The following CSMD1 variants were observed in gnomAD, a reference collection of about 807,000 sequenced individuals.
CSMD1 encodes the protein CUB and Sushi multiple domains 1, also known as CUB and sushi domain-containing protein 1.
In CSMD1, 213 loss-of-function variants were observed where a neutral mutation model predicts 417.5. The observed-to-expected ratio is 0.51, with a 90% CI of 0.46 to 0.57. The LOEUF is 0.57. CSMD1 is among the 20% of genes least tolerant of loss of function. The pLI, the probability that CSMD1 is intolerant of heterozygous loss-of-function variation, is 0.00. For missense variants in CSMD1, 6,923 were observed against 4,529.7 expected, an observed-to-expected ratio of 1.53 and a Z score of -15.17; for synonymous variants, 2,862 against 1,736.8, an observed-to-expected ratio of 1.65 and a Z score of -16.11.
At chr8:3,436,742 A>G (rs1414660703) in intron 12 of CSMD1, among the ~76,000 whole-genome samples, 1 of 152,178 alleles carries the variant, frequency 6.6e-6, no homozygotes, top group Non-Finnish European at 1.5e-5. Flanking sequence ...CACATTGGCA[A>G]TGAGCATTTT....
At chr8:3,060,562 C>T (rs1812528474) in intron 49 of CSMD1, among the ~76,000 whole-genome samples, 1 of 152,156 alleles carries the variant, frequency 6.6e-6, no homozygotes, top group Admixed American at 6.5e-5. Context: ...TGCTCACAGG[C>T]ATGATTGTTG....
chr8:4,436,765 T>C (rs1368045089), intron 2 of CSMD1, among the ~76,000 whole-genome samples: 2 of 152,192 alleles, frequency 1.3e-5, no homozygotes, highest in African/African-American at 4.8e-5. Flanking sequence ...TAAGTGATCA[T>C]GTGATATTTC....
At chr8:3,199,085 G>C (rs1796854889) in intron 33 of CSMD1, among the ~76,000 whole-genome samples, 3 of 152,146 alleles carry the variant, frequency 2.0e-5, no homozygotes, top group Admixed American at 6.5e-5. Flanking sequence ...CAAAACAAAA[G>C]TGAAACAAAT....
intron 3 of CSMD1, among the ~76,000 whole-genome samples, chr8:4,079,535 CA>C (rs1658548279): frequency 6.6e-6 from 1 of 152,054 alleles, no homozygotes; most frequent in South Asian, 2.1e-4. Context: ...CATCTGATGC[CA>C]AAACACTGAA....
intron 12 of CSMD1, among the ~76,000 whole-genome samples, chr8:3,458,245 T>G (rs1264457424): frequency 6.6e-6 from 1 of 152,196 alleles, no homozygotes; most frequent in African/African-American, 2.4e-5. Context: ...AAATGTCAAA[T>G]TTCTGCGTTA....
chr8:4,086,579 C>G (rs540033722), intron 3 of CSMD1, among the ~76,000 whole-genome samples: 1 of 152,290 alleles, frequency 6.6e-6, no homozygotes, highest in African/African-American at 2.4e-5. Context: ...CCAATCTCCT[C>G]TACTGATGCA....
intron 3 of CSMD1, among the ~76,000 whole-genome samples, chr8:4,103,623 G>C (rs1053550074): frequency 4.6e-5 from 7 of 152,052 alleles, no homozygotes; most frequent in Admixed American, 4.6e-4. Context: ...CACTTGTGTA[G>C]TCTTAAGGAT....
chr8:3,893,017 A>G (rs1297959116), intron 5 of CSMD1, among the ~76,000 whole-genome samples: 1 of 152,052 alleles, frequency 6.6e-6, no homozygotes, highest in African/African-American at 2.4e-5. Context: ...CACACTGAAA[A>G]TAACTTGTCA....
At chr8:3,180,159 A>G (rs937738490) in intron 37 of CSMD1, among the ~76,000 whole-genome samples, 16 of 152,214 alleles carry the variant, frequency 1.1e-4, no homozygotes, top group African/African-American at 3.9e-4. Context: ...CCTTACTCTC[A>G]TTGGAAATTC....
chr8:4,157,125 GA>G (rs1407062531), intron 3 of CSMD1, among the ~76,000 whole-genome samples: 4 of 152,174 alleles, frequency 2.6e-5, no homozygotes, highest in African/African-American at 9.7e-5. Context: ...GAAACCCTAA[GA>G]GTGTATTTTA....
intron 4 of CSMD1, among the ~76,000 whole-genome samples, chr8:4,012,369 A>T (rs756245609): frequency 2.0e-5 from 3 of 152,082 alleles, no homozygotes; most frequent in Non-Finnish European, 4.4e-5. Flanking sequence ...AAATACATTC[A>T]TTCATTGCCT....
chr8:3,999,706 C>T (rs991970768), intron 4 of CSMD1, among the ~76,000 whole-genome samples: 2 of 152,140 alleles, frequency 1.3e-5, no homozygotes, highest in African/African-American at 4.8e-5. Flanking sequence ...TTTATGTCAA[C>T]TAATGCTAAT....
chr8:3,103,098 C>G (rs1045114609), intron 46 of CSMD1, among the ~76,000 whole-genome samples: 3 of 152,158 alleles, frequency 2.0e-5, no homozygotes, highest in Non-Finnish European at 4.4e-5. Flanking sequence ...AGCACTCAGA[C>G]CTTAGCTGTA....
intron 1 of CSMD1, among the ~76,000 whole-genome samples, chr8:4,806,899 G>C (rs958658877): frequency 1.3e-5 from 2 of 152,148 alleles, no homozygotes; most frequent in African/African-American, 2.4e-5. Flanking sequence ...CCTAGGAGTT[G>C]AATGAGCAAG....
At chr8:3,131,687 G>C (rs1044188678) in intron 41 of CSMD1, among the ~76,000 whole-genome samples, 3 of 151,954 alleles carry the variant, frequency 2.0e-5, no homozygotes, top group East Asian at 1.9e-4. Context: ...GGTCAGGCTG[G>C]TCTTGAACTC....
chr8:4,828,502 C>G lies in CSMD1; in HGVS notation c.85+165830G>C, dbSNP rs116707327. ...TTTCTGAGTGTCTTGGGGTAAGATC[C>G]GAAAGCACCTATTGGTCCTTTATTG... On this transcript the variant is annotated intron_variant, in intron 1 of 69. Coordinates refer to ENST00000635120, the MANE Select transcript of CSMD1 (RefSeq NM_033225.6). Among the ~76,000 whole-genome samples the G allele has an allele frequency of 5.0e-3, 766 of 152,168 alleles. 4 individuals are homozygous for G. The highest frequency in any genetic ancestry group is 0.018 in the African/African-American group (741 of 41,514).
At chr8:4,369,382 G>A (rs752897782) in intron 3 of CSMD1, among the ~76,000 whole-genome samples, 1 of 152,128 alleles carries the variant, frequency 6.6e-6, no homozygotes, top group African/African-American at 2.4e-5. Context: ...ATCTTAGACT[G>A]TGTGCCATGT....
chr8:4,646,308 A>C (rs958803037), intron 1 of CSMD1, among the ~76,000 whole-genome samples: 1 of 152,176 alleles, frequency 6.6e-6, no homozygotes. Context: ...CCCAGTGATG[A>C]CACTTCATCT....
chr8:3,912,665 C>T (rs1808539777), intron 5 of CSMD1, among the ~76,000 whole-genome samples: 1 of 152,126 alleles, frequency 6.6e-6, no homozygotes, highest in African/African-American at 2.4e-5. Flanking sequence ...AAAAGTGGAG[C>T]ATGTTTGATA....
Sources: allele counts gnomAD v4.1 joint callset (sites outside exome capture counted in the v4.1 genomes callset), GRCh38; gene constraint gnomAD v4.1.1; transcripts MANE v1.5; gene names NCBI Gene and HGNC (gene_info 2026-07-23, HGNC 2026-07-21).